The following SPOCK3 variants were observed in gnomAD, a reference collection of about 807,000 sequenced individuals.
SPOCK3 encodes SPARC (osteonectin), cwcv and kazal like domains proteoglycan 3, also known as testican-3.
SPOCK3 carries 30 observed loss-of-function variants against 56.6 expected under a neutral mutation model. The ratio of observed to expected loss-of-function variants is 0.53; its 90% CI spans 0.40 to 0.72. The LOEUF (loss-of-function observed/expected upper bound fraction) is 0.72, where lower values mean the gene tolerates loss of function less well. Among genes scored for constraint, SPOCK3 ranks in the 30% least tolerant of loss-of-function variants. The probability of loss-of-function intolerance (pLI) is 0.00; values close to 1 mark genes in which losing one functional copy is unlikely to be tolerated. For missense variants in SPOCK3, 527 were observed against 530.0 expected (o/e 0.99, Z 0.06); for synonymous variants, 196 against 183.3 (o/e 1.07, Z -0.56).
chr4:166,785,163 G>A (rs897066835), intron 7 of SPOCK3, among the ~76,000 whole-genome samples: 17 of 152,072 alleles, frequency 1.1e-4, no homozygotes, highest in South Asian at 4.2e-4. Flanking sequence ...ACTTCTTATC[G>A]TAAAACATAT....
chr4:167,038,334 C>T (rs577048184), intron 3 of SPOCK3, among the ~76,000 whole-genome samples: 5 of 152,280 alleles, frequency 3.3e-5, no homozygotes, highest in African/African-American at 7.2e-5. Context: ...TTTATGTTTA[C>T]GGCTCACTTC....
intron 2 of SPOCK3, among the ~76,000 whole-genome samples, chr4:167,094,054 G>A (rs929913558): frequency 2.0e-5 from 3 of 152,056 alleles, no homozygotes; most frequent in Non-Finnish European, 4.4e-5. Flanking sequence ...TTAACTTTCA[G>A]TAACAGATTT....
intron 4 of SPOCK3, among the ~76,000 whole-genome samples, chr4:166,989,855 T>A (rs1160460119): frequency 6.6e-6 from 1 of 152,176 alleles, no homozygotes; most frequent in Non-Finnish European, 1.5e-5. Flanking sequence ...ATGAGGCTAT[T>A]TCTTGGATGA....
chr4:166,982,267 T>C (rs1012820472), intron 4 of SPOCK3, among the ~76,000 whole-genome samples: 4 of 152,332 alleles, frequency 2.6e-5, no homozygotes, highest in Admixed American at 2.6e-4. Flanking sequence ...AGATATACCA[T>C]ATCATCAATA....
chr4:166,918,986 C>T (rs1189941118), intron 4 of SPOCK3, among the ~76,000 whole-genome samples: 2 of 152,140 alleles, frequency 1.3e-5, no homozygotes, highest in Non-Finnish European at 2.9e-5. Context: ...AGATCCCCTT[C>T]AAATTCTGCT....
At chr4:166,876,058 A>G (rs1733048748) in intron 6 of SPOCK3, among the ~76,000 whole-genome samples, 2 of 152,160 alleles carry the variant, frequency 1.3e-5, no homozygotes, top group East Asian at 1.9e-4. Context: ...AGCACAACCT[A>G]TATGGGATTG....
chr4:167,109,581 A>G (rs1760717259), intron 2 of SPOCK3, among the ~76,000 whole-genome samples: 1 of 136,260 alleles, frequency 7.3e-6, no homozygotes, highest in Admixed American at 8.2e-5. Context: ...ATATATATTT[A>G]TTATATATAT....
chr4:167,176,197 C>T (rs1400568309), intron 2 of SPOCK3, among the ~76,000 whole-genome samples: 1 of 152,106 alleles, frequency 6.6e-6, no homozygotes, highest in African/African-American at 2.4e-5. Context: ...CATTGGGCCA[C>T]AAGAAAATTC....
chr4:167,197,133 G>A (rs2110893863), intron 2 of SPOCK3, among the ~76,000 whole-genome samples: 1 of 152,248 alleles, frequency 6.6e-6, no homozygotes, highest in Non-Finnish European at 1.5e-5. Flanking sequence ...ACTCTGGGTA[G>A]CCATGATAAT....
chr4:167,052,906 G>A (rs1247653320), intron 3 of SPOCK3, among the ~76,000 whole-genome samples: 1 of 152,168 alleles, frequency 6.6e-6, no homozygotes, highest in Non-Finnish European at 1.5e-5. Context: ...AGCTAAGTTA[G>A]GAGTGCATTT....
intron 2 of SPOCK3, among the ~76,000 whole-genome samples, chr4:167,101,329 T>C (rs911311726): frequency 2.6e-5 from 4 of 152,112 alleles, no homozygotes; most frequent in African/African-American, 9.7e-5. Flanking sequence ...TTATAACCTT[T>C]TTTAGACTCG....
At chr4:166,799,841 T>C (rs1742349016) in intron 6 of SPOCK3, among the ~76,000 whole-genome samples, 1 of 151,618 alleles carries the variant, frequency 6.6e-6, no homozygotes, top group African/African-American at 2.4e-5. Flanking sequence ...AAGTTCACAG[T>C]GAAAGATTTA....
chr4:166,862,628 A>G (rs1030064912), intron 6 of SPOCK3, among the ~76,000 whole-genome samples: 2 of 152,114 alleles, frequency 1.3e-5, no homozygotes, highest in African/African-American at 4.8e-5. Flanking sequence ...GTAGCCATTA[A>G]AAAGTCAATA....
chr4:166,965,189 T>C (rs950020073), intron 4 of SPOCK3, among the ~76,000 whole-genome samples: 1 of 151,966 alleles, frequency 6.6e-6, no homozygotes, highest in Non-Finnish European at 1.5e-5. Flanking sequence ...GCAGACTACT[T>C]AGAGTCAATA....
At chr4:166,978,279 T>C (rs766248108) in intron 4 of SPOCK3, among the ~76,000 whole-genome samples, 4 of 152,096 alleles carry the variant, frequency 2.6e-5, no homozygotes, top group Non-Finnish European at 5.9e-5. Flanking sequence ...TCAGGAGCCC[T>C]GATTAAGACA....
chr4:167,062,951 A>G (rs984632563), intron 2 of SPOCK3, among the ~76,000 whole-genome samples: 42 of 151,994 alleles, frequency 2.8e-4, no homozygotes, highest in Non-Finnish European at 1.6e-4. Flanking sequence ...CCAATTATAC[A>G]ACTTCATTGT....
At chr4:166,887,836 C>G (rs948080296) in intron 6 of SPOCK3, among the ~76,000 whole-genome samples, 3 of 146,486 alleles carry the variant, frequency 2.0e-5, no homozygotes, top group Non-Finnish European at 3.0e-5. Flanking sequence ...CAGCCAAATA[C>G]CACCTGTGCC....
intron 7 of SPOCK3, among the ~76,000 whole-genome samples, chr4:166,762,822 A>G (rs927132202): frequency 6.6e-6 from 1 of 152,072 alleles, no homozygotes; most frequent in Non-Finnish European, 1.5e-5. Flanking sequence ...GAAACTGAAG[A>G]CATATGAAAG....
At chr4:166,791,061 T>C (rs1327857206) in intron 7 of SPOCK3, among the ~76,000 whole-genome samples, 1 of 152,164 alleles carries the variant, frequency 6.6e-6, no homozygotes, top group Non-Finnish European at 1.5e-5. Flanking sequence ...AACTCTTCTA[T>C]AGGAAATGAA....
Sources: gnomAD v4.1 joint callset for allele counts (sites outside exome capture counted in the v4.1 genomes callset) on GRCh38, gnomAD v4.1.1 for gene constraint, MANE v1.5 for transcripts, NCBI Gene and HGNC (gene_info 2026-07-23, HGNC 2026-07-21) for gene names.